ARL9: variants seen among roughly 807,000 people sequenced by gnomAD.
ARL9 encodes ARF like GTPase 9.
A neutral mutation model predicts 27.0 loss-of-function variants in ARL9; 14 were observed. That is an observed-to-expected ratio of 0.52 (90% CI 0.34 to 0.81). The LOEUF is 0.81. ARL9 is among the 30% of genes least tolerant of loss of function. The pLI is 0.01. For synonymous variants in ARL9, 106 were observed against 108.7 expected (o/e 0.98, Z 0.15); for missense variants, 294 against 290.0 (o/e 1.01, Z -0.10).
rs1722005034 is a variant in ARL9, at chr4:56,523,893, T to TG, written c.*18dup. ...GTGCAGTGACCAGGACTCAGCCCAC[T>TG]GTGCGGCTCACGACTGAGATGTCAT... is the stretch of plus-strand genomic sequence containing the variant. On this transcript the variant is annotated 3_prime_UTR_variant, in exon 4 of 4. Transcript: ENST00000640821. The TG allele has an allele frequency of 1.2e-6, 2 of 1,604,152 alleles. No homozygotes were observed. Among genetic ancestry groups the TG allele is most frequent in the African/African-American group, 2.7e-5 (2 of 74,714 alleles).
At chr4:56,518,953 A>T in intron 3 of ARL9, 100 bp downstream of exon 3, 1 of 1,167,768 alleles carries the variant, frequency 8.6e-7, no homozygotes, top group African/African-American at 1.6e-5. Context: ...TATATATTTA[A>T]CTCAGTTTAT....
At chr4:56,519,686 T>C (rs376182023) in intron 3 of ARL9, among the ~76,000 whole-genome samples, 6 of 152,222 alleles carry the variant, frequency 3.9e-5, no homozygotes, top group South Asian at 2.1e-4. Context: ...GGGACTCAAA[T>C]TGATGTTCAT....
intron 2 of ARL9, among the ~76,000 whole-genome samples, chr4:56,512,050 C>A (rs1293889749): frequency 6.6e-6 from 1 of 152,212 alleles, no homozygotes; most frequent in South Asian, 2.1e-4. Context: ...TCACCCTTGA[C>A]TCCTCCTTTT....
intron 2 of ARL9, among the ~76,000 whole-genome samples, chr4:56,512,911 C>T (rs550924605): frequency 6.6e-6 from 1 of 152,236 alleles, no homozygotes; most frequent in South Asian, 2.1e-4. Context: ...TAATAACATT[C>T]ACTATTTATT....
At position 56,508,680 on chromosome 4, in the gene ARL9, C is replaced by T. The variant is rs143387607; in HGVS notation, c.280-2505C>T. Among the ~76,000 whole-genome samples, 546 of 152,284 alleles carry T rather than the reference C, an allele frequency of 3.6e-3. 9 individuals are homozygous for T. The South Asian group carries it at 0.038, about 11-fold the overall frequency. ...GGATTACAGGTAAGAGCCACCGCAC[C>T]GGCCTACTTTTTTTCAAATTCTGTT... On this transcript the variant is annotated intron_variant, in intron 1 of 3. Coordinates refer to ENST00000640821, the MANE Select transcript of ARL9 (RefSeq NM_001363794.2).
intron 3 of ARL9, among the ~76,000 whole-genome samples, chr4:56,521,831 A>G (rs1721927879): frequency 6.6e-6 from 1 of 152,128 alleles, no homozygotes; most frequent in Non-Finnish European, 1.5e-5. Flanking sequence ...TTTCAGTTGT[A>G]GGAGTCTTTC....
chr4:56,505,766 C>T (rs1323806365), upstream of ARL9: 1 of 1,379,898 alleles, frequency 7.2e-7, no homozygotes, highest in African/African-American at 1.5e-5. Flanking sequence ...GCCTACGTCT[C>T]TGTCGGGCGT....
chr4:56,505,820 A>G lies in ARL9; in HGVS notation c.-43A>G. 7.8e-7 allele frequency: 1 copy of G among 1,288,540 alleles called. No individual in the cohort carries two copies. 79.8% of individuals were successfully genotyped at this position (1,288,540 alleles called of 1,614,324 possible). A position where few individuals can be genotyped will look rare whatever the true frequency, so the allele number is the denominator to read the frequency against. On this transcript the variant is annotated 5_prime_UTR_variant, in exon 1 of 4. Transcript: ENST00000640821. ...CTGGGGCCCAGAGCCACCGCTCAGCACGCGGGCACGCGGCGGGAGGGAAGG... is the reference window on the plus strand; with the variant it reads ...CTGGGGCCCAGAGCCACCGCTCAGCGCGCGGGCACGCGGCGGGAGGGAAGG...
rs1721920988 is a variant in ARL9 at position 56,521,626 on chromosome 4, G to A, written c.619-2071G>A. Among the ~76,000 whole-genome samples the A allele has an allele frequency of 1.3e-5, 2 of 152,156 alleles. 1 individual carries two copies. The highest frequency in any genetic ancestry group is 4.1e-4 in the South Asian group (2 of 4,832). On this transcript the variant is annotated intron_variant, in intron 3 of 3. Coordinates refer to ENST00000640821, the MANE Select transcript of ARL9 (RefSeq NM_001363794.2). ...ACAGTTTTTGCAGCTCTACATCCTT[G>A]TCAATACTTGGTATTATCAGACTTT...
In ARL9 at chr4:56,509,929, G is replaced by A. The variant is rs181586275; in HGVS notation, c.280-1256G>A. Reference sequence around the variant, plus strand: ...CCACCATATTGGCCAGGCTGGTTTCGAACTCCTGACCTCAGGTGATCTGCC... The same window carrying A: ...CCACCATATTGGCCAGGCTGGTTTCAAACTCCTGACCTCAGGTGATCTGCC... On this transcript the variant is annotated intron_variant, in intron 1 of 3. Transcript: ENST00000640821. 2.8e-3 allele frequency among the ~76,000 whole-genome samples: 420 copies of A among 151,768 alleles called. 4 individuals carry two copies. Among genetic ancestry groups the A allele is most frequent in the Non-Finnish European group, 3.5e-3 (236 of 67,918 alleles).
chr4:56,512,117 A>G (rs962532298), intron 2 of ARL9, among the ~76,000 whole-genome samples: 3 of 152,132 alleles, frequency 2.0e-5, no homozygotes, highest in Non-Finnish European at 4.4e-5. Flanking sequence ...TCTCCAACGC[A>G]TCTCTCAAAT....
chr4:56,510,062 A>G (rs572551124), intron 1 of ARL9, among the ~76,000 whole-genome samples: 1 of 152,152 alleles, frequency 6.6e-6, no homozygotes, highest in African/African-American at 2.4e-5. Context: ...TACTTATATT[A>G]GAATTATAAG....
At chr4:56,511,507 G>A (rs1291897225) in intron 2 of ARL9, among the ~76,000 whole-genome samples, 160 bp downstream of exon 2, 1 of 152,122 alleles carries the variant, frequency 6.6e-6, no homozygotes, top group African/African-American at 2.4e-5. Context: ...GTACACTGTG[G>A]GGGGAATCAC....
chr4:56,521,232 A>AG (rs1055965766), intron 3 of ARL9, among the ~76,000 whole-genome samples: 2 of 151,596 alleles, frequency 1.3e-5, no homozygotes, highest in African/African-American at 4.9e-5. Flanking sequence ...AAAAAAAAAA[A>AG]AGAGAGAGGC....
At chr4:56,505,743 T>C (rs1721437638), upstream of ARL9, 4 of 1,395,406 alleles carry the variant, frequency 2.9e-6, no homozygotes, top group Admixed American at 9.5e-5. Flanking sequence ...CCGCGGGTTG[T>C]CTACGCCGCG....
At chr4:56,511,431 T>C (rs2110145790) in intron 2 of ARL9, 84 bp downstream of exon 2, 2 of 1,364,892 alleles carry the variant, frequency 1.5e-6, no homozygotes, top group East Asian at 2.4e-5. Flanking sequence ...ATTGAGTCCT[T>C]GTGAAAACTA....
chr4:56,517,205 A>G (rs542367819), intron 2 of ARL9, among the ~76,000 whole-genome samples: 1 of 152,378 alleles, frequency 6.6e-6, no homozygotes, highest in East Asian at 1.9e-4. Flanking sequence ...TGTTAAAACC[A>G]TATGAGTTAC....
intron 3 of ARL9, among the ~76,000 whole-genome samples, chr4:56,521,864 CTTTG>C (rs886823453): frequency 2.6e-5 from 4 of 152,082 alleles, no homozygotes; most frequent in African/African-American, 9.7e-5. Flanking sequence ...AAAAATAATT[CTTTG>C]TTAGTTATGT....
Position 56,523,889 on chromosome 4 carries a change from CCA to C in ARL9, c.*15_*16del, listed in dbSNP as rs1179350238. On this transcript the variant is annotated 3_prime_UTR_variant, in exon 4 of 4. Coordinates refer to ENST00000640821, the MANE Select transcript of ARL9 (RefSeq NM_001363794.2). Reference sequence around the variant, plus strand: ...AGATGTGCAGTGACCAGGACTCAGCCCACTGTGCGGCTCACGACTGAGATGTC... The same window carrying C: ...AGATGTGCAGTGACCAGGACTCAGCCCTGTGCGGCTCACGACTGAGATGTC... The C allele has an allele frequency of 1.2e-6, 2 of 1,608,384 alleles. No individual in the cohort carries two copies. The highest frequency in any genetic ancestry group is 2.7e-5 in the African/African-American group (2 of 74,840).
Sources: gnomAD v4.1 joint callset for allele counts (sites outside exome capture counted in the v4.1 genomes callset) on GRCh38, gnomAD v4.1.1 for gene constraint, MANE v1.5 for transcripts, NCBI Gene and HGNC (gene_info 2026-07-23, HGNC 2026-07-21) for gene names.